Variants in TRAPPC10 observed in about 807,000 individuals in gnomAD.
TRAPPC10 encodes trafficking protein particle complex subunit 10.
A neutral mutation model predicts 125.5 loss-of-function variants in TRAPPC10; 23 were observed. That is an observed-to-expected ratio of 0.18 (90% confidence interval 0.13 to 0.26). The LOEUF is 0.26. Among genes scored for constraint, TRAPPC10 ranks in the 10% least tolerant of loss-of-function variants. The pLI, the probability that TRAPPC10 is intolerant of heterozygous loss-of-function variation, is 1.00. For missense variants in TRAPPC10, 1,123 were observed against 1,308.4 expected, an observed-to-expected ratio of 0.86 and a Z score of 2.19; for synonymous variants, 509 against 518.0, an observed-to-expected ratio of 0.98 and a Z score of 0.24.
chr21:44,033,238 T>C (rs755307985), intron 2 of TRAPPC10, among the ~76,000 whole-genome samples: 3 of 152,238 alleles, frequency 2.0e-5, no homozygotes, highest in Admixed American at 6.5e-5. Context: ...CTGATTCTTA[T>C]AGCATTATTC....
chr21:44,037,241 A>G (rs1392096556), intron 2 of TRAPPC10, among the ~76,000 whole-genome samples: 1 of 152,098 alleles, frequency 6.6e-6, no homozygotes, highest in African/African-American at 2.4e-5. Context: ...GGCGTGTGGG[A>G]TTTCTTGATG....
At chr21:44,036,374 C>T (rs2033984414) in intron 2 of TRAPPC10, among the ~76,000 whole-genome samples, 2 of 152,208 alleles carry the variant, frequency 1.3e-5, no homozygotes, top group Admixed American at 1.3e-4. Flanking sequence ...GTCACAGCTT[C>T]CCACCCTGAG....
intron 3 of TRAPPC10, among the ~76,000 whole-genome samples, chr21:44,043,513 A>G (rs772984157): frequency 2.6e-5 from 4 of 152,268 alleles, no homozygotes; most frequent in Middle Eastern, 3.4e-3. Context: ...TGCCTGGCCT[A>G]TTACACTTTT....
At chr21:44,040,031 G>A (rs1040500913) in intron 3 of TRAPPC10, among the ~76,000 whole-genome samples, 3 of 152,144 alleles carry the variant, frequency 2.0e-5, no homozygotes, top group Non-Finnish European at 2.9e-5. Flanking sequence ...GTACACCTGC[G>A]CCACAACTAG....
intron 7 of TRAPPC10, among the ~76,000 whole-genome samples, chr21:44,067,952 T>C (rs779040712): frequency 6.6e-6 from 1 of 152,016 alleles, no homozygotes; most frequent in Non-Finnish European, 1.5e-5. Context: ...AAACCCTGTC[T>C]CTACTAAAAA....
Position 44,087,458 on chromosome 21 carries a change from G to A in TRAPPC10, c.2540-241G>A, listed in dbSNP as rs1330743504. On this transcript the variant is annotated intron_variant, in intron 16 of 22. Transcript: ENST00000291574. The surrounding 1 kb of genome is among the most constrained non-coding windows in gnomAD (Gnocchi z 4.6). ...CCTACACAGGACTTGGGTGGGCCCC[G>A]TGGGAAATGCCCTTTTCCTCTCTTC... is the stretch of plus-strand genomic sequence containing the variant. Among the ~76,000 whole-genome samples the A allele has an allele frequency of 2.0e-5, 3 of 152,212 alleles. 1 individual carries two copies. Among genetic ancestry groups the A allele is most frequent in the South Asian group, 4.1e-4 (2 of 4,830 alleles).
At chr21:44,033,822 C>G (rs2145698168) in intron 2 of TRAPPC10, among the ~76,000 whole-genome samples, 1 of 152,300 alleles carries the variant, frequency 6.6e-6, no homozygotes, top group Admixed American at 6.5e-5. Context: ...GAGATTGCAC[C>G]ACTGCACTCC....
At chr21:44,041,013 C>A (rs1303456147) in intron 3 of TRAPPC10, among the ~76,000 whole-genome samples, 2 of 152,184 alleles carry the variant, frequency 1.3e-5, no homozygotes, top group African/African-American at 4.8e-5. Flanking sequence ...GAGTCTATCA[C>A]TTGAATTTTA....
chr21:44,063,907 T>C lies in TRAPPC10; in HGVS notation c.1038+122T>C. The C allele has an allele frequency of 1.5e-6, 2 of 1,349,354 alleles. No individual in the cohort carries two copies. The highest frequency in any genetic ancestry group is 1.4e-5 in the South Asian group (1 of 69,932). The allele number at this position is 1,349,354 out of a possible 1,614,324, so 83.6% of individuals were successfully genotyped here. On this transcript the variant is annotated intron_variant, in intron 7 of 22. Transcript: ENST00000291574. This position sits in a 1 kb window ranked among gnomAD's most constrained non-coding sequence, Gnocchi z 4.4. ...GAAAGGGTTTTCTTTTCTGAATGCC[T>C]TTAATTTTCAGTATATTGTTTGCTT...
intron 1 of TRAPPC10, among the ~76,000 whole-genome samples, chr21:44,015,678 G>A (rs535435289): frequency 3.3e-5 from 5 of 151,276 alleles, no homozygotes; most frequent in Admixed American, 6.6e-5. Flanking sequence ...GCAGTGGCGC[G>A]ATCTCGGCTC....
chr21:44,048,469 GTGTTT>G (rs890361965), intron 3 of TRAPPC10, among the ~76,000 whole-genome samples: 14 of 152,032 alleles, frequency 9.2e-5, no homozygotes, highest in South Asian at 2.1e-4. Context: ...TTGGTTTTTG[GTGTTT>G]TGTTTTGGTT....
intron 3 of TRAPPC10, among the ~76,000 whole-genome samples, chr21:44,039,884 C>T (rs969216243): frequency 1.3e-5 from 2 of 152,050 alleles, no homozygotes; most frequent in African/African-American, 4.8e-5. Flanking sequence ...AAAGAAATCA[C>T]GAACTGATAC....
chr21:44,043,209 CTTTTTTT>C (rs34708259), intron 3 of TRAPPC10, among the ~76,000 whole-genome samples: 2 of 94,352 alleles, frequency 2.1e-5, no homozygotes, highest in Non-Finnish European at 3.9e-5. Context: ...AATTATTACG[CTTTTTTT>C]TTTTTTTTTT....
rs1569218700 is a variant in TRAPPC10 at position 44,087,946 on chromosome 21, AGGAGCTTAGCTT to A, written c.2769+20_2769+31del. ...ACCACAAAGTGAGTAGGGACAGTGG[AGGAGCTTAGCTT>A]GTGGGGCGTCCGCCGCCCGCCTGCC... On this transcript the variant is annotated intron_variant, in intron 17 of 22. Coordinates refer to ENST00000291574, the MANE Select transcript of TRAPPC10 (RefSeq NM_003274.5). The surrounding 1 kb of genome is among the most constrained non-coding windows in gnomAD (Gnocchi z 4.6). 1 of 1,597,358 alleles carries A rather than the reference AGGAGCTTAGCTT, an allele frequency of 6.3e-7. No individual in the cohort carries two copies. Among genetic ancestry groups the A allele is most frequent in the Non-Finnish European group, 8.6e-7 (1 of 1,169,480 alleles).
chr21:44,063,828 C>G lies in TRAPPC10; in HGVS notation c.1038+43C>G. The G allele has an allele frequency of 1.9e-6, 3 of 1,585,812 alleles. No homozygotes were observed. The highest frequency in any genetic ancestry group is 2.6e-6 in the Non-Finnish European group (3 of 1,166,218). On this transcript the variant is annotated intron_variant, in intron 7 of 22. Coordinates refer to ENST00000291574, the MANE Select transcript of TRAPPC10 (RefSeq NM_003274.5). This position sits in a 1 kb window ranked among gnomAD's most constrained non-coding sequence, Gnocchi z 4.4. ...CCAATTTACCCGTTTCTTGATTGTT[C>G]CAGCAGAAATCTCTGAACCTTGAGA...
At chr21:44,040,867 C>T (rs1007641011) in intron 3 of TRAPPC10, among the ~76,000 whole-genome samples, 2 of 151,848 alleles carry the variant, frequency 1.3e-5, no homozygotes, top group African/African-American at 4.8e-5. Flanking sequence ...CCTCCTGCCT[C>T]AGTCCCCTGA....
chr21:44,046,976 C>T, intron 3 of TRAPPC10: 1 of 830,150 alleles, frequency 1.2e-6, no homozygotes, highest in South Asian at 1.4e-5. Flanking sequence ...CAAGCCGGCT[C>T]TGCGAGCGGG....
At chr21:44,041,108 T>C (rs192540784) in intron 3 of TRAPPC10, among the ~76,000 whole-genome samples, 15 of 152,314 alleles carry the variant, frequency 9.8e-5, no homozygotes, top group African/African-American at 3.6e-4. Flanking sequence ...TTGGTATTGA[T>C]GTTCTACTTA....
chr21:44,055,722 G>A lies in TRAPPC10; in HGVS notation c.507G>A (p.Leu169=). The A allele has an allele frequency of 6.2e-7, 1 of 1,610,966 alleles. No homozygotes were observed. Among genetic ancestry groups the A allele is most frequent in the Non-Finnish European group, 8.5e-7 (1 of 1,177,428 alleles). ...SDRCVVLSDP[L]KDSSRTQESW... ...GGTGTGTTGTGCTCTCCGACCCCTTGAAGGACTCTTCTCGAACTCAGGAAT... is the reference window on the plus strand; with the variant it reads ...GGTGTGTTGTGCTCTCCGACCCCTTAAAGGACTCTTCTCGAACTCAGGAAT... Residue 169 remains leucine (L), a synonymous_variant, in exon 5 of 23, where the codon TTG becomes TTA. Transcript: ENST00000291574.
Sources: gnomAD v4.1 joint callset for allele counts (sites outside exome capture counted in the v4.1 genomes callset) on GRCh38, gnomAD v4.1.1 for gene constraint, Gnocchi (gnomAD v3.1) non-coding constraint, MANE v1.5 for transcripts, NCBI Gene and HGNC (gene_info 2026-07-23, HGNC 2026-07-21) for gene names.